Variants in CISTR observed in about 807,000 individuals in gnomAD.
CISTR encodes chondrogenic regulator lncRNA.
At chr12:53,748,101 C>A (rs1937803063) in intron 2 of CISTR, among the ~76,000 whole-genome samples, 2 of 152,210 alleles carry the variant, frequency 1.3e-5, no homozygotes, top group Non-Finnish European at 1.5e-5. Context: ...GTAAGCCATA[C>A]TATCCCGAGA....
At chr12:53,752,324 C>T (rs978442598) in intron 1 of CISTR, among the ~76,000 whole-genome samples, 1 of 152,190 alleles carries the variant, frequency 6.6e-6, no homozygotes, top group Non-Finnish European at 1.5e-5. Flanking sequence ...TCGAATTTGG[C>T]TCGTGTCCTT....
chr12:53,755,343 G>GT (rs56372807), intron 1 of CISTR, among the ~76,000 whole-genome samples: 4 of 150,980 alleles, frequency 2.6e-5, no homozygotes, highest in Admixed American at 6.6e-5. Context: ...GTGTGTGTGT[G>GT]GTAGGAAATG....
chr12:53,757,014 A>G (rs1260454900), exon 1 of CISTR: 1 of 129,814 alleles, frequency 7.7e-6, no homozygotes, highest in Non-Finnish European at 1.6e-5. Flanking sequence ...CTCCACAGTC[A>G]GAGGTGGATG....
intron 2 of CISTR, among the ~76,000 whole-genome samples, chr12:53,749,374 GGA>G (rs1428501445): frequency 6.6e-6 from 1 of 151,454 alleles, no homozygotes; most frequent in South Asian, 2.1e-4. Context: ...AGAGGGGCAC[GGA>G]GAGAGAGGGG....
At position 53,753,052 on chromosome 12, in the gene CISTR, T is replaced by TCTCACACACA. The variant is rs1442599901; in HGVS notation, n.415-2088_415-2087insTGTGTGTGAG. Among the ~76,000 whole-genome samples the TCTCACACACA allele has an allele frequency of 5.6e-3, 685 of 121,306 alleles. 5 individuals are homozygous for TCTCACACACA. The highest frequency in any genetic ancestry group is 0.018 in the African/African-American group (577 of 32,630). 79.6% of individuals were successfully genotyped at this position (121,306 alleles called of 152,430 possible). A position where few individuals can be genotyped will look rare whatever the true frequency, so the allele number is the denominator to read the frequency against. ...ATCATACTTCTCTCCCATCTATACA[T>TCTCACACACA]CACACACACACACACACACACACAC... On this transcript the variant is annotated intron_variant and non_coding_transcript_variant, in intron 1 of 2. Transcript: ENST00000669269.
intron 1 of CISTR, among the ~76,000 whole-genome samples, chr12:53,755,312 T>TGG (rs774452472): frequency 2.5e-4 from 31 of 122,886 alleles, no homozygotes; most frequent in African/African-American, 1.0e-3. Context: ...GTTTGGGGTG[T>TGG]GTGTGTGTGT....
At chr12:53,747,690 G>T (rs772349657) in intron 2 of CISTR, among the ~76,000 whole-genome samples, 2 of 152,134 alleles carry the variant, frequency 1.3e-5, no homozygotes, top group Non-Finnish European at 2.9e-5. Context: ...GATTTGGGGA[G>T]AACTGATAAA....
Position 53,751,291 on chromosome 12 carries a change from G to C in CISTR, n.415-326C>G, listed in dbSNP as rs1273082157. On this transcript the variant is annotated intron_variant and non_coding_transcript_variant, in intron 1 of 2. Transcript: ENST00000669269. This position sits in a 1 kb window ranked among gnomAD's most constrained non-coding sequence, Gnocchi z 4.6. ...CAGGGGTTGGGGGCGCTGGGGCTCG[G>C]GGCGCTCACTCGGACCTCGGAGCCA... Among the ~76,000 whole-genome samples, 1 of 152,162 alleles carries C rather than the reference G, an allele frequency of 6.6e-6. No individual in the cohort carries two copies. Among genetic ancestry groups the C allele is most frequent in the African/African-American group, 2.4e-5 (1 of 41,440 alleles).
intron 1 of CISTR, among the ~76,000 whole-genome samples, chr12:53,752,028 G>T (rs557109223): frequency 1.3e-5 from 2 of 151,318 alleles, no homozygotes; most frequent in Admixed American, 6.6e-5. Flanking sequence ...GACTTTCTCC[G>T]CCCCGCACCG....
intron 1 of CISTR, chr12:53,754,592 G>A (rs528963225): frequency 5.3e-4 from 81 of 152,288 alleles, no homozygotes; most frequent in African/African-American, 1.9e-3. Context: ...GCTTGTTACT[G>A]AGAATAAAAT....
chr12:53,753,337 G>T (rs371266452), intron 1 of CISTR, among the ~76,000 whole-genome samples: 20 of 152,144 alleles, frequency 1.3e-4, no homozygotes, highest in African/African-American at 4.3e-4. Flanking sequence ...GAGGCTGGTC[G>T]TCAAGACCAA....
intron 1 of CISTR, among the ~76,000 whole-genome samples, chr12:53,753,040 C>T (rs529318765): frequency 2.4e-4 from 34 of 141,744 alleles, no homozygotes; most frequent in African/African-American, 8.7e-4. Context: ...ATACTTCTCT[C>T]CCATCTATAC....
chr12:53,751,412 C>T lies in CISTR; in HGVS notation n.415-447G>A, dbSNP rs989311336. ...TCCCCAGCCCTGTCGCCTCCCACCCCCCTTCCGGCCGCGGCAGTTTCCGAA... is the reference window on the plus strand; with the variant it reads ...TCCCCAGCCCTGTCGCCTCCCACCCTCCTTCCGGCCGCGGCAGTTTCCGAA... On this transcript the variant is annotated intron_variant and non_coding_transcript_variant, in intron 1 of 2. Coordinates refer to ENST00000669269, the Ensembl canonical transcript of CISTR. This position sits in a 1 kb window ranked among gnomAD's most constrained non-coding sequence, Gnocchi z 4.6. Among the ~76,000 whole-genome samples the T allele has an allele frequency of 1.3e-5, 2 of 152,226 alleles. No homozygotes were observed. The highest frequency in any genetic ancestry group is 1.3e-4 in the Admixed American group (2 of 15,282).
rs1316235633 is a variant in CISTR at position 53,756,406 on chromosome 12, T to C, written n.414+408A>G. ...CACAGGAAGGAACCTTGGAAATCAG[T>C]TGGATCCCTTGAGGTTTTATTTTAT... On this transcript the variant is annotated intron_variant and non_coding_transcript_variant, in intron 1 of 2. Transcript: ENST00000669269. This position sits in a 1 kb window ranked among gnomAD's most constrained non-coding sequence, Gnocchi z 4.0. Among the ~76,000 whole-genome samples the C allele has an allele frequency of 6.6e-6, 1 of 152,180 alleles. No individual in the cohort carries two copies. The highest frequency in any genetic ancestry group is 1.5e-5 in the Non-Finnish European group (1 of 68,024).
At chr12:53,753,607 T>A (rs1450517645) in intron 1 of CISTR, among the ~76,000 whole-genome samples, 1 of 151,920 alleles carries the variant, frequency 6.6e-6, no homozygotes, top group Non-Finnish European at 1.5e-5. Context: ...GTGCATTATC[T>A]TGGGGTAAGG....
intron 1 of CISTR, among the ~76,000 whole-genome samples, chr12:53,752,399 T>C (rs1015391214): frequency 1.3e-5 from 2 of 152,194 alleles, no homozygotes; most frequent in Non-Finnish European, 2.9e-5. Context: ...GGGACTTCCC[T>C]GGTTCTAGGT....
chr12:53,747,252 G>GCAAGAGC (rs1937793116), intron 2 of CISTR, among the ~76,000 whole-genome samples: 1 of 152,172 alleles, frequency 6.6e-6, no homozygotes, highest in Admixed American at 6.5e-5. Flanking sequence ...AGATGGATTG[G>GCAAGAGC]CAGGAGCCAG....
At chr12:53,753,666 GT>G (rs1423544164) in intron 1 of CISTR, among the ~76,000 whole-genome samples, 262 of 16,018 alleles carry the variant, frequency 0.016, 1 homozygote, top group East Asian at 0.13. Flanking sequence ...ATGCATAGGG[GT>G]GTGTGTGTGT....
chr12:53,752,364 T>C (rs1356179724), intron 1 of CISTR, among the ~76,000 whole-genome samples: 1 of 152,202 alleles, frequency 6.6e-6, no homozygotes, highest in Non-Finnish European at 1.5e-5. Context: ...CTGCAGACAC[T>C]GCTTGCTGGC....
Sources: gnomAD v4.1 joint callset for allele counts (sites outside exome capture counted in the v4.1 genomes callset) on GRCh38, gnomAD v4.1.1 for gene constraint, Gnocchi (gnomAD v3.1) non-coding constraint, MANE v1.5 for transcripts, NCBI Gene and HGNC (gene_info 2026-07-23, HGNC 2026-07-21) for gene names.